The following CFAP299 variants were observed in gnomAD, a reference collection of about 807,000 sequenced individuals.
CFAP299 encodes the protein cilia and flagella associated protein 299, also known as cilia- and flagella-associated protein 299.
A neutral mutation model predicts 27.0 loss-of-function variants in CFAP299; 21 were observed. The observed-to-expected ratio is 0.78, with a 90% CI of 0.55 to 1.12. CFAP299 has a LOEUF of 1.12. CFAP299 is among the 50% of genes most tolerant of loss of function. CFAP299 has a pLI of 0.00. For synonymous variants in CFAP299, 104 were observed against 98.1 expected (o/e 1.06, Z -0.36); for missense variants, 310 against 276.6 (o/e 1.12, Z -0.86).
chr4:80,370,569 T>C (rs1004202066), intron 2 of CFAP299, among the ~76,000 whole-genome samples: 1 of 152,188 alleles, frequency 6.6e-6, no homozygotes, highest in Non-Finnish European at 1.5e-5. Context: ...TAAGTACCCT[T>C]GTTCCAAAAG....
At chr4:80,516,573 C>T (rs1385479470) in intron 2 of CFAP299, among the ~76,000 whole-genome samples, 1 of 152,040 alleles carries the variant, frequency 6.6e-6, no homozygotes, top group African/African-American at 2.4e-5. Context: ...GGTGGACTAA[C>T]TGAATGAGAA....
At chr4:80,829,734 A>G (rs932894589) in intron 3 of CFAP299, among the ~76,000 whole-genome samples, 2 of 152,102 alleles carry the variant, frequency 1.3e-5, no homozygotes, top group Non-Finnish European at 1.5e-5. Flanking sequence ...CATACAATGG[A>G]ATATTATTTA....
chr4:80,794,891 G>C (rs532732166), intron 3 of CFAP299, among the ~76,000 whole-genome samples: 64 of 152,330 alleles, frequency 4.2e-4, no homozygotes, highest in African/African-American at 1.5e-3. Context: ...TGAGGGCTCA[G>C]TGTTGGTATC....
At chr4:80,612,997 C>G (rs150934152) in intron 3 of CFAP299, among the ~76,000 whole-genome samples, 178 of 152,182 alleles carry the variant, frequency 1.2e-3, no homozygotes, top group African/African-American at 3.9e-3. Context: ...TGATGAAGTG[C>G]TGGACATGTT....
At chr4:80,962,187 AT>A (rs998381163) in intron 5 of CFAP299, among the ~76,000 whole-genome samples, 2 of 151,984 alleles carry the variant, frequency 1.3e-5, no homozygotes, top group Admixed American at 6.6e-5. Context: ...TTACAAGATA[AT>A]TTTTAAAGGG....
intron 3 of CFAP299, among the ~76,000 whole-genome samples, chr4:80,783,789 C>T (rs956715658): frequency 6.6e-6 from 1 of 152,036 alleles, no homozygotes; most frequent in African/African-American, 2.4e-5. Context: ...ATATTGCAAC[C>T]TTGCTCCTTC....
intron 3 of CFAP299, among the ~76,000 whole-genome samples, chr4:80,687,808 T>C (rs1230480556): frequency 6.6e-6 from 1 of 152,042 alleles, no homozygotes. Context: ...TGTCAGACAG[T>C]GGGCGCAGGT....
chr4:80,740,395 T>C (rs1724185702), intron 3 of CFAP299, among the ~76,000 whole-genome samples: 1 of 152,238 alleles, frequency 6.6e-6, no homozygotes, highest in Non-Finnish European at 1.5e-5. Flanking sequence ...TTGGTGGTCT[T>C]GGATAAGATC....
chr4:80,665,676 G>A lies in CFAP299; in HGVS notation c.333+82493G>A, dbSNP rs139423158. On this transcript the variant is annotated intron_variant, in intron 3 of 5. Transcript: ENST00000358105. ...ACATTGGTTATCATTTGCATTTAAG[G>A]TAATATGGTTTGGATCTGTGTACCC... Among the ~76,000 whole-genome samples, 937 of 152,130 alleles carry A rather than the reference G, an allele frequency of 6.2e-3. 4 individuals are homozygous for A. The highest frequency in any genetic ancestry group is 0.01 in the Non-Finnish European group (685 of 68,006).
At chr4:80,476,952 T>TGCACGC (rs1553926281) in intron 2 of CFAP299, among the ~76,000 whole-genome samples, 5 of 131,282 alleles carry the variant, frequency 3.8e-5, no homozygotes, top group Admixed American at 3.3e-4. Flanking sequence ...TGCGTGTGTG[T>TGCACGC]GCGCATGCGT....
rs1448891810 is a variant in CFAP299, at chr4:80,469,147, T to G, written c.242+106263T>G. 2.0e-5 allele frequency among the ~76,000 whole-genome samples: 3 copies of G among 152,194 alleles called. No individual in the cohort carries two copies. In the South Asian group the frequency reaches 6.2e-4, roughly 32 times the overall value. The stretch of plus-strand genomic sequence containing the variant: ...GCAGCATCAGCATCACCTGGGAATT[T>G]GTTAAAAATTTAAATTCTTGGGCCA... On this transcript the variant is annotated intron_variant, in intron 2 of 5. Transcript: ENST00000358105.
chr4:80,409,057 A>G (rs1015643807), intron 2 of CFAP299, among the ~76,000 whole-genome samples: 16 of 150,900 alleles, frequency 1.1e-4, no homozygotes, highest in Non-Finnish European at 2.2e-4. Context: ...AAAAAAAGAG[A>G]GAAAAATATA....
At chr4:80,325,208 C>T in the CFAP299 span, among the ~76,000 whole-genome samples, 1 of 152,314 alleles carries the variant, frequency 6.6e-6, no homozygotes, top group Admixed American at 6.5e-5. Flanking sequence ...AATATGGTCA[C>T]ACAGTACATA....
intron 2 of CFAP299, among the ~76,000 whole-genome samples, chr4:80,560,033 C>A (rs1411611056): frequency 1.3e-5 from 2 of 152,066 alleles, no homozygotes; most frequent in Non-Finnish European, 2.9e-5. Flanking sequence ...CTCCCCTAAC[C>A]CCAGGCTGCA....
At chr4:80,328,926 G>C in the CFAP299 span, among the ~76,000 whole-genome samples, 1 of 151,942 alleles carries the variant, frequency 6.6e-6, no homozygotes, top group Middle Eastern at 3.2e-3. Context: ...GCATTCTATG[G>C]TATAGAATCA....
chr4:80,743,035 C>T (rs1724368826), intron 3 of CFAP299, among the ~76,000 whole-genome samples: 1 of 152,136 alleles, frequency 6.6e-6, no homozygotes, highest in African/African-American at 2.4e-5. Context: ...AGTATTGTAT[C>T]CGTTAACTTG....
At chr4:80,474,933 AGGTGACT>A (rs1450933146) in intron 2 of CFAP299, among the ~76,000 whole-genome samples, 1 of 152,178 alleles carries the variant, frequency 6.6e-6, no homozygotes, top group Non-Finnish European at 1.5e-5. Context: ...ATGCCGAAAA[AGGTGACT>A]GGGTGACTTG....
chr4:80,736,157 A>G (rs1723855882), intron 3 of CFAP299, among the ~76,000 whole-genome samples: 2 of 152,278 alleles, frequency 1.3e-5, no homozygotes, highest in South Asian at 4.1e-4. Flanking sequence ...GTCCTTGCCC[A>G]TGCCTATGTC....
chr4:80,874,823 G>A (rs768643442), intron 4 of CFAP299, among the ~76,000 whole-genome samples: 4 of 151,982 alleles, frequency 2.6e-5, no homozygotes, highest in Admixed American at 6.6e-5. Context: ...GCTACTACCC[G>A]CATATGGCCA....
Sources: allele counts gnomAD v4.1 joint callset (sites outside exome capture counted in the v4.1 genomes callset), GRCh38; gene constraint gnomAD v4.1.1; transcripts MANE v1.5; gene names NCBI Gene and HGNC (gene_info 2026-07-23, HGNC 2026-07-21).